The following M1AP variants were observed in gnomAD, a reference collection of about 807,000 sequenced individuals.
The protein encoded by M1AP is meiosis 1 associated protein.
Under a neutral mutation model 51.2 loss-of-function variants are expected in M1AP, and 39 were observed. The ratio of observed to expected loss-of-function variants is 0.76; its 90% CI spans 0.59 to 1.00. The LOEUF is 1.00. M1AP is among the 50% of genes least tolerant of loss of function. The pLI is 0.00. For missense variants in M1AP, 545 were observed against 641.2 expected (o/e 0.85, Z 1.62); for synonymous variants, 251 against 249.2 (o/e 1.01, Z -0.07).
chr2:74,561,177 G>C (rs1267573881), intron 8 of M1AP, among the ~76,000 whole-genome samples: 7 of 143,594 alleles, frequency 4.9e-5, no homozygotes, highest in African/African-American at 1.9e-4. Context: ...AGAAGGAGGA[G>C]GAGGAGAAGG....
intron 4 of M1AP, among the ~76,000 whole-genome samples, chr2:74,606,224 G>A (rs1680987827): frequency 6.6e-6 from 1 of 152,160 alleles, no homozygotes; most frequent in Admixed American, 6.5e-5. Flanking sequence ...CAAATTCAAA[G>A]ATAAAATTAT....
At chr2:74,576,916 T>G in intron 5 of M1AP, 1 of 1,120,554 alleles carries the variant, frequency 8.9e-7, no homozygotes, top group Non-Finnish European at 1.1e-6. Flanking sequence ...TGAGCAGTTG[T>G]CTCATAGTGA....
rs183457116 is a variant in M1AP, at chr2:74,621,855, C to T, written c.241-6706G>A. The stretch of plus-strand genomic sequence containing the variant: ...GGGGGCGGTGGCTCAAGCCTGTAAT[C>T]CTGGCACTTTGGGAGGCTGAGGTGG... On this transcript the variant is annotated intron_variant, in intron 2 of 10. Transcript: ENST00000421985. Among the ~76,000 whole-genome samples, 219 of 151,192 alleles carry T rather than the reference C, an allele frequency of 1.4e-3. 7 individuals are homozygous for T. In the East Asian group the frequency reaches 0.039, roughly 27 times the overall value.
chr2:74,599,230 G>C (rs1051373421), intron 4 of M1AP, among the ~76,000 whole-genome samples: 1 of 152,116 alleles, frequency 6.6e-6, no homozygotes, highest in Non-Finnish European at 1.5e-5. Context: ...AGTGAGCTGA[G>C]ATCATGCGAC....
At chr2:74,564,791 G>C (rs762007306) in intron 7 of M1AP, among the ~76,000 whole-genome samples, 5 of 152,202 alleles carry the variant, frequency 3.3e-5, no homozygotes, top group Non-Finnish European at 7.3e-5. Flanking sequence ...ATAGAAACCA[G>C]GAAGTTTCAG....
Position 74,581,783 on chromosome 2 carries a change from C to A in M1AP, c.660G>T (p.Glu220Asp), listed in dbSNP as rs554957106. ...QTIDNDIVSM[E>D]IFFKAWLHNS... ...TATGTAGCCAGGCTTTGAAGAAAAT[C>A]TCCATGCTGACGATATCATTGTCTA... Residue 220 changes from glutamate to aspartate, a missense_variant, in exon 5 of 11, where the codon GAG (glutamate) becomes GAT (aspartate). Physicochemically the swap from Glu to Asp is conservative, Grantham distance 45. Transcript: ENST00000421985. 6.2e-7 allele frequency: 1 copy of A among 1,614,076 alleles called. No individual in the cohort carries two copies. Among genetic ancestry groups the A allele is most frequent in the East Asian group, 2.2e-5 (1 of 44,876 alleles).
intron 3 of M1AP, among the ~76,000 whole-genome samples, chr2:74,613,462 A>C (rs1681486986): frequency 6.6e-6 from 1 of 152,172 alleles, no homozygotes; most frequent in Admixed American, 6.5e-5. Context: ...ATGCCTCTGG[A>C]CTGTGAACTT....
intron 1 of M1AP, chr2:74,647,914 A>G: frequency 6.1e-6 from 4 of 651,504 alleles, no homozygotes; most frequent in Non-Finnish European, 5.7e-6. Flanking sequence ...GCAAAACCAG[A>G]AGAAAAAAAA....
At chr2:74,584,300 T>C (rs976872948) in intron 4 of M1AP, among the ~76,000 whole-genome samples, 1 of 151,800 alleles carries the variant, frequency 6.6e-6, no homozygotes, top group African/African-American at 2.4e-5. Context: ...AAGCATAAAG[T>C]GGCGGCTACT....
chr2:74,562,908 C>A (rs1012713737), intron 7 of M1AP, among the ~76,000 whole-genome samples: 2 of 151,906 alleles, frequency 1.3e-5, no homozygotes, highest in Non-Finnish European at 2.9e-5. Context: ...AGAGTGAGAC[C>A]CTCTCTGTCT....
chr2:74,561,054 A>AGGAGGAGG (rs1677893768), intron 8 of M1AP, among the ~76,000 whole-genome samples: 1 of 124,482 alleles, frequency 8.0e-6, no homozygotes, highest in Admixed American at 8.2e-5. Flanking sequence ...AAACAGGTGG[A>AGGAGGAGG]GGAGGAGGGG....
intron 1 of M1AP, among the ~76,000 whole-genome samples, chr2:74,640,542 CCT>C (rs1447910014): frequency 6.6e-6 from 1 of 150,380 alleles, no homozygotes; most frequent in Non-Finnish European, 1.5e-5. Flanking sequence ...CTCACTGCAA[CCT>C]CTGTCTCCCA....
At chr2:74,573,187 C>G (rs1233502673) in intron 7 of M1AP, among the ~76,000 whole-genome samples, 3 of 150,918 alleles carry the variant, frequency 2.0e-5, no homozygotes, top group African/African-American at 7.3e-5. Flanking sequence ...GCTGGGATTA[C>G]AGGCATCTGC....
At chr2:74,576,686 C>A in intron 5 of M1AP, 68 bp from the exon 6 acceptor site, 1 of 1,550,856 alleles carries the variant, frequency 6.4e-7, no homozygotes, top group South Asian at 1.1e-5. Context: ...TAATAAGTTA[C>A]CTTAGGCTAT....
rs143147492 is a variant in M1AP at position 74,560,083 on chromosome 2, T to C, written c.1422+68A>G. 14,270 of 1,554,762 alleles carry C rather than the reference T, an allele frequency of 9.2e-3. 93 individuals carry two copies. Among genetic ancestry groups the C allele is most frequent in the Non-Finnish European group, 0.01 (12,042 of 1,149,186 alleles). ...GTGTTGGGATGGGGGAGGAGGGTTT[T>C]CTAGGACTCTGGGCATGAAGGGGAG... On this transcript the variant is annotated intron_variant, in intron 9 of 10. Transcript: ENST00000421985.
chr2:74,619,131 C>T (rs1681855550), intron 2 of M1AP: 1 of 284,094 alleles, frequency 3.5e-6, no homozygotes, highest in Non-Finnish European at 7.2e-6. Context: ...GCACAGGTTC[C>T]AGGTCCTTCA....
At chr2:74,596,456 C>G (rs1184755665) in intron 4 of M1AP, among the ~76,000 whole-genome samples, 1 of 152,092 alleles carries the variant, frequency 6.6e-6, no homozygotes, top group Non-Finnish European at 1.5e-5. Flanking sequence ...GTGGCGGGCA[C>G]CTGTAGTCCC....
chr2:74,590,683 C>T (rs1325248670), intron 4 of M1AP, among the ~76,000 whole-genome samples: 2 of 152,150 alleles, frequency 1.3e-5, no homozygotes, highest in African/African-American at 4.8e-5. Flanking sequence ...AGCTGCACTG[C>T]ACCCCTCACC....
intron 5 of M1AP, among the ~76,000 whole-genome samples, chr2:74,581,303 T>C (rs569311487): frequency 1.4e-4 from 22 of 152,334 alleles, no homozygotes; most frequent in Admixed American, 1.4e-3. Flanking sequence ...ATTGATATTG[T>C]TGAGGTAGCA....
Sources: gnomAD v4.1 joint callset for allele counts (sites outside exome capture counted in the v4.1 genomes callset) on GRCh38, gnomAD v4.1.1 for gene constraint, MANE v1.5 for transcripts, NCBI Gene and HGNC (gene_info 2026-07-23, HGNC 2026-07-21) for gene names.